Variants in PLCB4 observed in about 807,000 individuals in gnomAD.
PLCB4 encodes 1-phosphatidylinositol 4,5-bisphosphate phosphodiesterase beta-4.
PLCB4 carries 77 observed loss-of-function variants against 178.8 expected under a neutral mutation model. That is an observed-to-expected ratio of 0.43 (90% CI 0.36 to 0.52). The LOEUF is 0.52. Ranked by LOEUF, PLCB4 falls within the 20% of genes least tolerant of loss-of-function variation. The probability of loss-of-function intolerance (pLI) is 0.00; values close to 1 mark genes in which losing one functional copy is unlikely to be tolerated. For synonymous variants in PLCB4, 496 were observed against 490.8 expected (o/e 1.01, Z -0.14); for missense variants, 1,024 against 1,453.4 (o/e 0.70, Z 4.80).
intron 28 of PLCB4, among the ~76,000 whole-genome samples, chr20:9,430,182 C>T (rs2041301619): frequency 6.6e-6 from 1 of 152,186 alleles, no homozygotes; most frequent in African/African-American, 2.4e-5. Flanking sequence ...CATCCTGGGC[C>T]ACATGTGGCC....
chr20:9,393,736 G>A (rs1181045168), intron 18 of PLCB4, 58 bp downstream of exon 18: 13 of 1,127,914 alleles, frequency 1.2e-5, no homozygotes, highest in Non-Finnish European at 1.2e-5. Flanking sequence ...GGACATTTCA[G>A]CTGTTGAGAA....
intron 2 of PLCB4, among the ~76,000 whole-genome samples, chr20:9,163,254 G>C (rs563524716): frequency 3.3e-5 from 5 of 152,044 alleles, no homozygotes; most frequent in Non-Finnish European, 5.9e-5. Flanking sequence ...GAAACTGCCG[G>C]GATGAAAAAA....
chr20:9,127,679 T>TATCC (rs1188720805), intron 2 of PLCB4, among the ~76,000 whole-genome samples: 18 of 57,932 alleles, frequency 3.1e-4, no homozygotes, highest in African/African-American at 8.3e-4. Context: ...TCTATCTATC[T>TATCC]ATCTATCCAT....
intron 2 of PLCB4, among the ~76,000 whole-genome samples, chr20:9,153,745 G>A (rs1184620584): frequency 6.6e-6 from 1 of 152,278 alleles, no homozygotes; most frequent in South Asian, 2.1e-4. Context: ...GATAAGGGGA[G>A]GAATAAGGTG....
chr20:9,268,057 C>T (rs2080769022), intron 3 of PLCB4, among the ~76,000 whole-genome samples: 2 of 152,176 alleles, frequency 1.3e-5, no homozygotes, highest in South Asian at 2.1e-4. Flanking sequence ...ACTTCTCCAC[C>T]TCCATAACTG....
At chr20:9,107,661 G>T (rs2091416584) in intron 2 of PLCB4, among the ~76,000 whole-genome samples, 1 of 152,014 alleles carries the variant, frequency 6.6e-6, no homozygotes, top group African/African-American at 2.4e-5. Flanking sequence ...GGGTGGCGTA[G>T]GGAGGAGGGT....
intron 3 of PLCB4, among the ~76,000 whole-genome samples, chr20:9,238,483 C>G (rs1227436723): frequency 2.0e-5 from 3 of 152,136 alleles, no homozygotes; most frequent in African/African-American, 7.2e-5. Context: ...AACAGCATAG[C>G]CTTTGATTTC....
chr20:9,344,486 A>G (rs2033593167), intron 7 of PLCB4, among the ~76,000 whole-genome samples: 1 of 152,190 alleles, frequency 6.6e-6, no homozygotes, highest in Non-Finnish European at 1.5e-5. Context: ...AGTGCCCGAC[A>G]CTTAGTGAGT....
At chr20:9,407,268 G>A (rs906603040) in intron 21 of PLCB4, among the ~76,000 whole-genome samples, 4 of 152,058 alleles carry the variant, frequency 2.6e-5, no homozygotes, top group Non-Finnish European at 5.9e-5. Flanking sequence ...TCTGATGCAC[G>A]CTAATGTTCG....
intron 3 of PLCB4, among the ~76,000 whole-genome samples, chr20:9,290,138 G>T (rs563820158): frequency 1.4e-5 from 2 of 146,750 alleles, no homozygotes; most frequent in South Asian, 4.4e-4. Context: ...TAGCATTTTA[G>T]AATATGCTGG....
Position 9,196,794 on chromosome 20 carries a change from G to T in PLCB4, c.-78-20596G>T, listed in dbSNP as rs1460946090. Among the ~76,000 whole-genome samples the T allele has an allele frequency of 2.6e-5, 4 of 152,284 alleles. No individual in the cohort carries two copies. The East Asian group carries it at 7.7e-4, about 29-fold the overall frequency. On this transcript the variant is annotated intron_variant, in intron 2 of 39. Coordinates refer to ENST00000378473, the MANE Select transcript of PLCB4 (RefSeq NM_001377142.1). ...TATGAGGGGCCTAGCAGAATATTTA[G>T]TACAAAGGTTCTCAGTAAGCGGAGG...
chr20:9,267,239 T>A (rs958571476), intron 3 of PLCB4, among the ~76,000 whole-genome samples: 1 of 152,176 alleles, frequency 6.6e-6, no homozygotes, highest in Non-Finnish European at 1.5e-5. Context: ...AATATGACAT[T>A]TCTTCAACCA....
chr20:9,219,239 G>T (rs1048691912), intron 3 of PLCB4, among the ~76,000 whole-genome samples: 2 of 152,222 alleles, frequency 1.3e-5, no homozygotes, highest in African/African-American at 4.8e-5. Flanking sequence ...GGAGGCCGAG[G>T]CGGGTGGATC....
intron 2 of PLCB4, among the ~76,000 whole-genome samples, chr20:9,132,273 G>A (rs557361132): frequency 6.8e-6 from 1 of 146,778 alleles, no homozygotes; most frequent in South Asian, 2.3e-4. Flanking sequence ...TAGTCAGCAA[G>A]GGCATAATGT....
intron 2 of PLCB4, among the ~76,000 whole-genome samples, chr20:9,215,528 A>C (rs1168287905): frequency 6.6e-6 from 1 of 152,200 alleles, no homozygotes; most frequent in Non-Finnish European, 1.5e-5. Context: ...TAGTCACTAA[A>C]TTAGTAAAGT....
rs59615646 is a variant in PLCB4, at chr20:9,334,204, G to C, written c.85-2922G>C. The stretch of plus-strand genomic sequence containing the variant: ...AATGGAGCACAACCAGGATTGGAGA[G>C]TGTTTCAAGAAGGAAGGAATAATCA... On this transcript the variant is annotated intron_variant, in intron 4 of 39. Coordinates refer to ENST00000378473, the MANE Select transcript of PLCB4 (RefSeq NM_001377142.1). Among the ~76,000 whole-genome samples, 5 of 152,286 alleles carry C rather than the reference G, an allele frequency of 3.3e-5. No homozygotes were observed. The East Asian group carries it at 9.7e-4, about 29-fold the overall frequency.
Position 9,338,880 on chromosome 20 carries a change from G to A in PLCB4, c.226-14G>A. 1 of 1,603,642 alleles carries A rather than the reference G, an allele frequency of 6.2e-7. No homozygotes were observed. ...GTAACTTATTTTTTTTTCTATCTGT[G>A]TACCTCTATACAGGATCCCAAAATC... On this transcript the variant is annotated splice_polypyrimidine_tract_variant and intron_variant, in intron 6 of 39. Coordinates refer to ENST00000378473, the MANE Select transcript of PLCB4 (RefSeq NM_001377142.1).
intron 2 of PLCB4, among the ~76,000 whole-genome samples, chr20:9,125,935 C>T (rs6086783): frequency 1.3e-5 from 2 of 152,056 alleles, no homozygotes; most frequent in Non-Finnish European, 1.5e-5. Flanking sequence ...AGGCATTAAC[C>T]TAAGGTCACT....
chr20:9,370,952 G>A (rs1424481947), intron 9 of PLCB4: 6 of 370,310 alleles, frequency 1.6e-5, no homozygotes, highest in South Asian at 6.1e-5. Flanking sequence ...CTCCAGTGCC[G>A]CTTGCCCCTT....
Sources: allele counts gnomAD v4.1 joint callset (sites outside exome capture counted in the v4.1 genomes callset), GRCh38; gene constraint gnomAD v4.1.1; transcripts MANE v1.5; gene names NCBI Gene and HGNC (gene_info 2026-07-23, HGNC 2026-07-21).